Variants in KPNA6 observed in about 807,000 individuals in gnomAD.
The protein encoded by KPNA6 is karyopherin subunit alpha 6, also known as importin subunit alpha-7.
A neutral mutation model predicts 72.0 loss-of-function variants in KPNA6; 9 were observed. That is an observed-to-expected ratio of 0.13 (90% CI 0.08 to 0.22). The LOEUF (loss-of-function observed/expected upper bound fraction) is 0.22. Ranked by LOEUF, KPNA6 falls within the 10% of genes least tolerant of loss-of-function variation. The pLI is 1.00. For missense variants in KPNA6, 374 were observed against 655.7 expected (o/e 0.57, Z 4.69); for synonymous variants, 219 against 242.1 (o/e 0.90, Z 0.89).
At chr1:32,119,932 T>G (rs1330974794) in intron 1 of KPNA6, among the ~76,000 whole-genome samples, 1 of 151,704 alleles carries the variant, frequency 6.6e-6, no homozygotes, top group Non-Finnish European at 1.5e-5. Context: ...TTTAGTAGAC[T>G]TCACCATATT....
At chr1:32,121,336 A>C (rs1641430104) in intron 1 of KPNA6, among the ~76,000 whole-genome samples, 1 of 151,922 alleles carries the variant, frequency 6.6e-6, no homozygotes, top group African/African-American at 2.4e-5. Context: ...ATTAAGCATG[A>C]CTCCTATGCC....
intron 1 of KPNA6, among the ~76,000 whole-genome samples, chr1:32,124,614 C>G (rs1295020015): frequency 1.3e-5 from 2 of 150,990 alleles, no homozygotes; most frequent in Non-Finnish European, 2.9e-5. Context: ...TCATACAGTT[C>G]TCCTGCCTCA....
At position 32,160,715 on chromosome 1, in the gene KPNA6, T is replaced by C. The variant is rs773258459; in HGVS notation, c.647+12T>C. The C allele has an allele frequency of 3.1e-6, 5 of 1,603,508 alleles. No homozygotes were observed. The highest frequency in any genetic ancestry group is 2.7e-5 in the African/African-American group (2 of 74,722). On this transcript the variant is annotated intron_variant, in intron 7 of 13. Transcript: ENST00000373625. ...AATCCTTTGTTAACGTGAGTAATTATAATCATCTGTACCTGGGCGTCTACT... is the reference window on the plus strand; with the variant it reads ...AATCCTTTGTTAACGTGAGTAATTACAATCATCTGTACCTGGGCGTCTACT...
intron 1 of KPNA6, among the ~76,000 whole-genome samples, chr1:32,146,103 C>A (rs181220770): frequency 9.9e-5 from 15 of 152,264 alleles, no homozygotes; most frequent in Admixed American, 9.8e-4. Context: ...CCTTGTATAT[C>A]TCTCTTAGGT....
intron 4 of KPNA6, among the ~76,000 whole-genome samples, chr1:32,157,705 T>TA (rs1642168922): frequency 6.6e-6 from 1 of 152,168 alleles, no homozygotes; most frequent in South Asian, 2.1e-4. Context: ...TCTTTTTACC[T>TA]TGCCCTACAT....
At position 32,166,247 on chromosome 1, in the gene KPNA6, A is replaced by G. The variant is rs199555237; in HGVS notation, c.1116+17A>G. The G allele has an allele frequency of 6.2e-6, 10 of 1,607,810 alleles. No individual in the cohort carries two copies. Among genetic ancestry groups the G allele is most frequent in the East Asian group, 2.2e-5 (1 of 44,832 alleles). On this transcript the variant is annotated intron_variant, in intron 11 of 13. Coordinates refer to ENST00000373625, the MANE Select transcript of KPNA6 (RefSeq NM_012316.5). ...CAAATACAGGTAAAACAGGCAGGGA[A>G]GTCAAGGGGCATGGGAAGTCATAGG...
chr1:32,144,101 A>G (rs1417069495), intron 1 of KPNA6, among the ~76,000 whole-genome samples: 2 of 152,226 alleles, frequency 1.3e-5, no homozygotes, highest in Non-Finnish European at 2.9e-5. Flanking sequence ...ATTAGGCACA[A>G]TAAGAGATTG....
chr1:32,151,772 CTTA>C (rs1313121025), intron 1 of KPNA6, among the ~76,000 whole-genome samples: 1 of 152,200 alleles, frequency 6.6e-6, no homozygotes, highest in Admixed American at 6.5e-5. Flanking sequence ...TCCTATCCCT[CTTA>C]TTCCATCATG....
intron 4 of KPNA6, among the ~76,000 whole-genome samples, chr1:32,157,776 T>C (rs1642170190): frequency 6.6e-6 from 1 of 152,176 alleles, no homozygotes; most frequent in African/African-American, 2.4e-5. Context: ...CTCTTCCCAC[T>C]AGGATATAAA....
intron 1 of KPNA6, among the ~76,000 whole-genome samples, chr1:32,133,516 CAA>C (rs56850687): frequency 5.0e-4 from 22 of 43,874 alleles, no homozygotes; most frequent in African/African-American, 1.5e-3. Context: ...CTAGTCTCTA[CAA>C]AAAAAAAAAA....
intron 1 of KPNA6, among the ~76,000 whole-genome samples, chr1:32,131,512 T>G (rs1641635105): frequency 1.3e-5 from 2 of 151,518 alleles, no homozygotes; most frequent in South Asian, 2.1e-4. Flanking sequence ...AAAAAAAGAT[T>G]TAAAAATTTA....
chr1:32,158,457 A>G (rs552051083), intron 5 of KPNA6, 96 bp downstream of exon 5: 7 of 693,054 alleles, frequency 1.0e-5, no homozygotes, highest in Admixed American at 7.8e-5. Flanking sequence ...ATGTTTTGAC[A>G]CAGGCATGCA....
At chr1:32,132,115 T>TA (rs1491260646) in intron 1 of KPNA6, among the ~76,000 whole-genome samples, 1 of 151,416 alleles carries the variant, frequency 6.6e-6, no homozygotes, top group Non-Finnish European at 1.5e-5. Flanking sequence ...GGATTACAGG[T>TA]ATGCACCACC....
At chr1:32,128,344 A>G (rs950908430) in intron 1 of KPNA6, among the ~76,000 whole-genome samples, 5 of 145,158 alleles carry the variant, frequency 3.4e-5, no homozygotes, top group Admixed American at 7.1e-5. Context: ...TTAGCAAACT[A>G]GAAGAACTAG....
intron 1 of KPNA6, among the ~76,000 whole-genome samples, chr1:32,149,219 ATTTC>A (rs1208616038): frequency 1.3e-5 from 2 of 151,220 alleles, no homozygotes; most frequent in Non-Finnish European, 1.5e-5. Flanking sequence ...CCTTTTTATA[ATTTC>A]TTTCTTTTTA....
At chr1:32,158,230 TCTC>T (rs1557480361) in intron 4 of KPNA6, 34 bp from the exon 5 acceptor site, 4 of 1,415,068 alleles carry the variant, frequency 2.8e-6, no homozygotes, top group East Asian at 2.3e-5. Context: ...AGCAAAAGCT[TCTC>T]CTGTGTTTTT....
chr1:32,152,698 A>T (rs1642055018), intron 1 of KPNA6, among the ~76,000 whole-genome samples: 1 of 151,994 alleles, frequency 6.6e-6, no homozygotes, highest in Non-Finnish European at 1.5e-5. Context: ...AGAAAAAATT[A>T]GCCAGACGTG....
At chr1:32,164,344 G>A (rs1026366521) in intron 10 of KPNA6, among the ~76,000 whole-genome samples, 2 of 152,286 alleles carry the variant, frequency 1.3e-5, no homozygotes, top group Non-Finnish European at 2.9e-5. Context: ...GAATAATGCT[G>A]CTATGAACAT....
At chr1:32,113,987 G>T (rs925073958) in intron 1 of KPNA6, among the ~76,000 whole-genome samples, 4 of 152,036 alleles carry the variant, frequency 2.6e-5, no homozygotes, top group Non-Finnish European at 5.9e-5. Flanking sequence ...CATCCGTGAG[G>T]GTTGGTATCA....
Sources: gnomAD v4.1 joint callset for allele counts (sites outside exome capture counted in the v4.1 genomes callset) on GRCh38, gnomAD v4.1.1 for gene constraint, MANE v1.5 for transcripts, NCBI Gene and HGNC (gene_info 2026-07-23, HGNC 2026-07-21) for gene names.